GPM6A: variants seen among roughly 807,000 people sequenced by gnomAD.
GPM6A encodes the protein neuronal membrane glycoprotein M6-a.
In GPM6A, 7 loss-of-function variants were observed where a neutral mutation model predicts 32.1. The observed-to-expected ratio is 0.22, with a 90% CI of 0.12 to 0.41. The LOEUF (loss-of-function observed/expected upper bound fraction) is 0.41, where lower values mean the gene tolerates loss of function less well. Ranked by LOEUF, GPM6A falls within the 10% of genes least tolerant of loss-of-function variation. The pLI is 1.00. For synonymous variants in GPM6A, 130 were observed against 123.4 expected (o/e 1.05, Z -0.35); for missense variants, 235 against 347.2 (o/e 0.68, Z 2.57).
intron 1 of GPM6A, among the ~76,000 whole-genome samples, chr4:175,860,311 A>G (rs1368929183): frequency 6.6e-6 from 1 of 152,154 alleles, no homozygotes; most frequent in Non-Finnish European, 1.5e-5. Context: ...CCATCTGATT[A>G]AGAACAAAAG....
At chr4:175,993,333 T>A (rs1368446388) in intron 1 of GPM6A, among the ~76,000 whole-genome samples, 1 of 152,198 alleles carries the variant, frequency 6.6e-6, no homozygotes, top group African/African-American at 2.4e-5. Flanking sequence ...CTGTTCTTTC[T>A]GTTGCACTGA....
intron 1 of GPM6A, among the ~76,000 whole-genome samples, chr4:175,715,023 T>C (rs970367993): frequency 1.7e-4 from 26 of 151,238 alleles, no homozygotes; most frequent in African/African-American, 6.3e-4. Flanking sequence ...CTAGCTTGAA[T>C]TCCATACACC....
chr4:175,636,728 AGAGGTTTCAGT>A (rs1181337919), intron 6 of GPM6A, among the ~76,000 whole-genome samples: 2 of 150,688 alleles, frequency 1.3e-5, no homozygotes, highest in Non-Finnish European at 3.0e-5. Context: ...CCTGGGAGGC[AGAGGTTTCAGT>A]GAGCTGAGAT....
At chr4:175,717,075 T>C (rs1478977977) in intron 1 of GPM6A, among the ~76,000 whole-genome samples, 1 of 152,118 alleles carries the variant, frequency 6.6e-6, no homozygotes, top group African/African-American at 2.4e-5. Flanking sequence ...TTCCACACAC[T>C]CCTTCTACTC....
chr4:175,748,203 C>T lies in GPM6A; in HGVS notation c.38-46436G>A, dbSNP rs186045074. ...ACTTCTTTCAAAGTCCTGTTAATGTCGATGTTTTGACCTCCTACCGTGAAT... is the reference window on the plus strand; with the variant it reads ...ACTTCTTTCAAAGTCCTGTTAATGTTGATGTTTTGACCTCCTACCGTGAAT... On this transcript the variant is annotated intron_variant, in intron 1 of 6. Coordinates refer to ENST00000393658, the MANE Select transcript of GPM6A (RefSeq NM_201591.3). 5.3e-5 allele frequency among the ~76,000 whole-genome samples: 8 copies of T among 152,148 alleles called. No individual in the cohort carries two copies. The East Asian group carries it at 1.6e-3, about 30-fold the overall frequency.
chr4:175,785,520 A>G (rs1255760348), intron 1 of GPM6A, among the ~76,000 whole-genome samples: 1 of 152,164 alleles, frequency 6.6e-6, no homozygotes, highest in Non-Finnish European at 1.5e-5. Context: ...AACATTAACT[A>G]TTGTTATAGT....
upstream of GPM6A, among the ~76,000 whole-genome samples, chr4:175,813,273 A>G (rs1735000321): frequency 6.6e-6 from 1 of 152,200 alleles, no homozygotes; most frequent in Non-Finnish European, 1.5e-5. Flanking sequence ...AGAGGATAGC[A>G]ATTTATAATG....
At chr4:175,667,452 A>G (rs1486266580) in intron 3 of GPM6A, among the ~76,000 whole-genome samples, 2 of 152,196 alleles carry the variant, frequency 1.3e-5, no homozygotes, top group Non-Finnish European at 2.9e-5. Flanking sequence ...AGTTCTTAGT[A>G]GTCTAAGGAG....
chr4:175,748,838 T>C (rs982575432), intron 1 of GPM6A, among the ~76,000 whole-genome samples: 1 of 152,222 alleles, frequency 6.6e-6, no homozygotes, highest in Non-Finnish European at 1.5e-5. Flanking sequence ...TGAAAATCTC[T>C]TGTTTAGTGT....
At chr4:175,961,884 C>T (rs950304459) in intron 1 of GPM6A, among the ~76,000 whole-genome samples, 1 of 152,302 alleles carries the variant, frequency 6.6e-6, no homozygotes, top group South Asian at 2.1e-4. Context: ...TGCAAAGTTA[C>T]AGCCCAAGGG....
chr4:175,984,902 T>G (rs1740928422), intron 1 of GPM6A, among the ~76,000 whole-genome samples: 1 of 152,194 alleles, frequency 6.6e-6, no homozygotes, highest in African/African-American at 2.4e-5. Flanking sequence ...TCCCCTATTA[T>G]ATATCAAGGA....
intron 1 of GPM6A, among the ~76,000 whole-genome samples, chr4:175,963,466 C>T (rs1021503415): frequency 1.3e-5 from 2 of 152,036 alleles, no homozygotes; most frequent in Non-Finnish European, 2.9e-5. Context: ...TATCAGACTT[C>T]TCTCTACAAC....
chr4:175,806,658 T>C lies in GPM6A; in HGVS notation c.37+5533A>G, dbSNP rs550634442. On this transcript the variant is annotated intron_variant, in intron 1 of 6. Coordinates refer to ENST00000393658, the MANE Select transcript of GPM6A (RefSeq NM_201591.3). ...AATGCAGAAGTTCTACGAATATCTA[T>C]TGAACTTTATTAAAAATATAACTAA... Among the ~76,000 whole-genome samples, 15 of 152,336 alleles carry C rather than the reference T, an allele frequency of 9.8e-5. No homozygotes were observed. In the East Asian group the frequency reaches 2.5e-3, roughly 25 times the overall value.
chr4:175,923,094 G>C (rs2111529164), intron 1 of GPM6A, among the ~76,000 whole-genome samples: 1 of 151,468 alleles, frequency 6.6e-6, no homozygotes, highest in South Asian at 2.1e-4. Flanking sequence ...TATAAAAATT[G>C]ATTTATAAAT....
intron 1 of GPM6A, among the ~76,000 whole-genome samples, chr4:175,702,630 T>C (rs916762744): frequency 9.2e-5 from 14 of 152,162 alleles, no homozygotes; most frequent in Non-Finnish European, 2.1e-4. Context: ...TTCTCCTGCC[T>C]TAGCCTCCCA....
chr4:175,714,162 A>G (rs1745705773), intron 1 of GPM6A, among the ~76,000 whole-genome samples: 1 of 152,214 alleles, frequency 6.6e-6, no homozygotes, highest in South Asian at 2.1e-4. Context: ...ACTACAAGAT[A>G]TGCAAGCCAC....
At chr4:175,884,641 C>T (rs543854862) in intron 1 of GPM6A, among the ~76,000 whole-genome samples, 2 of 152,058 alleles carry the variant, frequency 1.3e-5, no homozygotes, top group South Asian at 2.1e-4. Flanking sequence ...AAGCAATTCT[C>T]GTGCCTCAGC....
Position 175,634,189 on chromosome 4 carries a change from T to G in GPM6A, c.*716A>C, listed in dbSNP as rs1740447385. 6.5e-6 allele frequency: 1 copy of G among 152,726 alleles called. No homozygotes were observed. The highest frequency in any genetic ancestry group is 1.5e-5 in the Non-Finnish European group (1 of 68,002). 9.5% of individuals were successfully genotyped at this position (152,726 alleles called of 1,614,324 possible). A position where few individuals can be genotyped will look rare whatever the true frequency, so the allele number is the denominator to read the frequency against. ...ACAATCTTAAAAAGGCAACTAGCCATGCATTAGCATTACTGTTTCTACATG... is the reference window on the plus strand; with the variant it reads ...ACAATCTTAAAAAGGCAACTAGCCAGGCATTAGCATTACTGTTTCTACATG... On this transcript the variant is annotated 3_prime_UTR_variant, in exon 7 of 7. Transcript: ENST00000393658.
intron 1 of GPM6A, among the ~76,000 whole-genome samples, chr4:175,989,588 T>C (rs556356442): frequency 6.6e-6 from 1 of 152,200 alleles, no homozygotes; most frequent in Non-Finnish European, 1.5e-5. Context: ...GTTGGTATCC[T>C]GCAATTACCA....
Sources: allele counts gnomAD v4.1 joint callset (sites outside exome capture counted in the v4.1 genomes callset), GRCh38; gene constraint gnomAD v4.1.1; transcripts MANE v1.5; gene names NCBI Gene and HGNC (gene_info 2026-07-23, HGNC 2026-07-21).